The following JUP variants were observed in gnomAD, a reference collection of about 807,000 sequenced individuals.
JUP encodes the protein junction plakoglobin.
A neutral mutation model predicts 71.1 loss-of-function variants in JUP; 28 were observed. The observed-to-expected ratio is 0.39, with a 90% confidence interval of 0.29 to 0.54. The LOEUF is 0.54. Among genes scored for constraint, JUP ranks in the 20% least tolerant of loss-of-function variants. The probability of loss-of-function intolerance (pLI) is 0.62; values close to 1 mark genes in which losing one functional copy is unlikely to be tolerated. For missense variants in JUP, 869 were observed against 1,030.1 expected, an observed-to-expected ratio of 0.84 and a Z score of 2.14; for synonymous variants, 401 against 438.9, an observed-to-expected ratio of 0.91 and a Z score of 1.08.
chr17:41,769,192 C>T lies in JUP; in HGVS notation c.484G>A (p.Ala162Thr), dbSNP rs1555605437. 1 of 1,600,852 alleles carries T rather than the reference C, an allele frequency of 6.2e-7. No homozygotes were observed. The highest frequency in any genetic ancestry group is 8.5e-7 in the Non-Finnish European group (1 of 1,179,944). ...NDEDPVVVTK[A>T]AMIVNQLSKK... Reference sequence around the variant, plus strand: ...GACAGCTGGTTCACAATCATGGCCGCCTTGGTCACCACCACCTGGAGGGCA... The same window carrying T: ...GACAGCTGGTTCACAATCATGGCCGTCTTGGTCACCACCACCTGGAGGGCA... Residue 162 changes from alanine to threonine, a missense_variant, in exon 4 of 14, where the codon GCG (alanine) becomes ACG (threonine). Transcript: ENST00000393931.
chr17:41,778,882 G>A (rs2047018027), intron 1 of JUP, among the ~76,000 whole-genome samples: 1 of 151,746 alleles, frequency 6.6e-6, no homozygotes, highest in African/African-American at 2.4e-5. Context: ...CTGCACTCCA[G>A]CCTGGGTGAC....
At chr17:41,757,900 G>C (rs571362766) in intron 10 of JUP, 116 bp from the exon 11 acceptor site, 1 of 858,322 alleles carries the variant, frequency 1.2e-6, no homozygotes, top group Admixed American at 2.8e-5. Context: ...AGTGGAAAAT[G>C]GGCCGTCACT....
chr17:41,767,298 G>C, intron 5 of JUP, 81 bp downstream of exon 5: 1 of 1,161,662 alleles, frequency 8.6e-7, no homozygotes, highest in Non-Finnish European at 1.3e-6. Context: ...AGGAGTAAGG[G>C]GGCAGCGGCC....
chr17:41,766,312 G>A (rs1597812574), intron 5 of JUP, among the ~76,000 whole-genome samples: 1 of 138,684 alleles, frequency 7.2e-6, no homozygotes, highest in East Asian at 2.2e-4. Flanking sequence ...AGAGGGAAAG[G>A]AAAAGGAAAA....
intron 8 of JUP, among the ~76,000 whole-genome samples, chr17:41,760,748 G>A (rs2143505059): frequency 6.6e-6 from 1 of 151,754 alleles, no homozygotes; most frequent in Non-Finnish European, 1.5e-5. Flanking sequence ...TTTTGTGGAG[G>A]CGGGGACTTA....
intron 1 of JUP, among the ~76,000 whole-genome samples, chr17:41,781,904 G>A (rs1239306252): frequency 6.6e-6 from 1 of 152,148 alleles, no homozygotes; most frequent in African/African-American, 2.4e-5. Flanking sequence ...CAAGTCCTCG[G>A]GGGAGATGGA....
intron 1 of JUP, among the ~76,000 whole-genome samples, chr17:41,772,660 G>T (rs1251878685): frequency 6.6e-6 from 1 of 152,246 alleles, no homozygotes; most frequent in South Asian, 2.1e-4. Flanking sequence ...GGTGCTCAGA[G>T]GCCACGGCCA....
chr17:41,764,057 C>T (rs1172264510), intron 7 of JUP, among the ~76,000 whole-genome samples: 1 of 152,192 alleles, frequency 6.6e-6, no homozygotes, highest in Admixed American at 6.5e-5. Context: ...ACAAATGCCA[C>T]GCAGAGGGCC....
chr17:41,782,585 C>A (rs1259423526), intron 1 of JUP, among the ~76,000 whole-genome samples: 4 of 152,118 alleles, frequency 2.6e-5, no homozygotes, highest in African/African-American at 9.7e-5. Context: ...CTCCTCTTTC[C>A]CTCTCAACCT....
chr17:41,762,857 G>A, intron 8 of JUP, 126 bp downstream of exon 8: 1 of 747,594 alleles, frequency 1.3e-6, no homozygotes, highest in Admixed American at 2.1e-5. Flanking sequence ...ACACGAGAGA[G>A]AAATAAACTT....
intron 11 of JUP, 44 bp from the exon 12 acceptor site, chr17:41,757,580 C>T (rs781807944): frequency 6.2e-7 from 1 of 1,614,162 alleles, no homozygotes; most frequent in Non-Finnish European, 8.5e-7. Flanking sequence ...CGTCGGCCAG[C>T]CTCCATCGTG....
Position 41,758,505 on chromosome 17 carries a change from A to G in JUP, c.1667T>C (p.Met556Thr), listed in dbSNP as rs781884735. 12 of 1,612,060 alleles carry G rather than the reference A, an allele frequency of 7.4e-6. No individual in the cohort carries two copies. Among genetic ancestry groups the G allele is most frequent in the Admixed American group, 3.3e-5 (2 of 59,948 alleles). ...GGTGCAGCCCTCCACAATCTCCTCC[A>G]TCCTCACACCATCCTGTGTGAGAGG... is the stretch of plus-strand genomic sequence containing the variant. ...TQQPYTDGVR[M>T]EEIVEGCTGA... is the part of the protein sequence containing the mutation. The change falls in exon 10 of 14, where the codon ATG becomes ACG. Residue 556 changes from methionine to threonine, a missense_variant. Coordinates refer to ENST00000393931, the MANE Select transcript of JUP (RefSeq NM_002230.4).
At chr17:41,770,905 G>A (rs1390627660) in intron 2 of JUP, among the ~76,000 whole-genome samples, 1 of 152,246 alleles carries the variant, frequency 6.6e-6, no homozygotes, top group Non-Finnish European at 1.5e-5. Flanking sequence ...GGAATCCCTG[G>A]GGGTTCCTGG....
At chr17:41,758,672 G>C in intron 9 of JUP, 43 bp downstream of exon 9, 1 of 1,592,584 alleles carries the variant, frequency 6.3e-7, no homozygotes, top group Non-Finnish European at 8.5e-7. Context: ...AGGACACCCT[G>C]ACCCCCCAGG....
chr17:41,769,756 C>T (rs1916343353), intron 2 of JUP, 79 bp from the exon 3 acceptor site: 1 of 1,510,926 alleles, frequency 6.6e-7, no homozygotes, highest in Non-Finnish European at 8.9e-7. Context: ...CCACAGACAG[C>T]CCCACCTGGG....
intron 8 of JUP, among the ~76,000 whole-genome samples, chr17:41,762,168 AGAGAGAGAGT>A (rs1346889015): frequency 5.7e-4 from 28 of 49,482 alleles, no homozygotes; most frequent in African/African-American, 9.1e-4. Flanking sequence ...AGAGAGAGAG[AGAGAGAGAGT>A]GTGTGTGTGT....
chr17:41,772,974 C>G (rs930804308), intron 1 of JUP: 2 of 985,444 alleles, frequency 2.0e-6, no homozygotes, highest in Admixed American at 6.1e-5. Context: ...TACTACGAGC[C>G]AGACCTTTCA....
chr17:41,784,441 A>G (rs1473095806), intron 1 of JUP, among the ~76,000 whole-genome samples: 1 of 152,010 alleles, frequency 6.6e-6, no homozygotes, highest in Non-Finnish European at 1.5e-5. Context: ...AGTTTTCACC[A>G]AGCACCTCCT....
chr17:41,782,203 G>A (rs375698425), intron 1 of JUP, among the ~76,000 whole-genome samples: 42 of 152,276 alleles, frequency 2.8e-4, no homozygotes, highest in African/African-American at 9.6e-4. Flanking sequence ...AGAACAATCT[G>A]ACACCAGCTC....
Sources: allele counts gnomAD v4.1 joint callset (sites outside exome capture counted in the v4.1 genomes callset), GRCh38; gene constraint gnomAD v4.1.1; transcripts MANE v1.5; gene names NCBI Gene and HGNC (gene_info 2026-07-23, HGNC 2026-07-21).